MAP2: variants seen among roughly 807,000 people sequenced by gnomAD.
MAP2 encodes microtubule associated protein 2.
In MAP2, 14 loss-of-function variants were observed where a neutral mutation model predicts 137.6. That is an observed-to-expected ratio of 0.10 (90% CI 0.07 to 0.16). MAP2 has a LOEUF of 0.16. Ranked by LOEUF, MAP2 falls within the 10% of genes least tolerant of loss-of-function variation. MAP2 has a pLI of 1.00. For synonymous variants in MAP2, 786 were observed against 782.3 expected, an observed-to-expected ratio of 1.00 and a Z score of -0.08; for missense variants, 2,088 against 2,191.5, an observed-to-expected ratio of 0.95 and a Z score of 0.94.
chr2:209,704,364 TTA>T (rs1196949581), intron 11 of MAP2: 1 of 1,186,292 alleles, frequency 8.4e-7, no homozygotes, highest in African/African-American at 1.6e-5. Context: ...TTTGAGTTTC[TTA>T]TATGTTTATA....
intron 2 of MAP2, among the ~76,000 whole-genome samples, chr2:209,513,377 A>T (rs2062005407): frequency 6.6e-6 from 1 of 152,160 alleles, no homozygotes. Context: ...TTAAGGAGAA[A>T]CTGGGGCCTT....
At chr2:209,701,511 T>C (rs2061751695) in intron 11 of MAP2, among the ~76,000 whole-genome samples, 2 of 152,140 alleles carry the variant, frequency 1.3e-5, no homozygotes, top group African/African-American at 4.8e-5. Flanking sequence ...AATTAGTAGC[T>C]TATAACAACA....
intron 5 of MAP2, among the ~76,000 whole-genome samples, chr2:209,659,732 T>TA (rs200809577): frequency 0.057 from 8,233 of 143,548 alleles, 318 homozygotes; most frequent in East Asian, 0.23. Flanking sequence ...TGAACACTAG[T>TA]AAAAAAAAAA....
chr2:209,622,836 A>G (rs561258767), intron 3 of MAP2, among the ~76,000 whole-genome samples: 18 of 152,250 alleles, frequency 1.2e-4, no homozygotes, highest in African/African-American at 4.3e-4. Context: ...TATTTTTTAT[A>G]ATAAACAAAA....
intron 2 of MAP2, among the ~76,000 whole-genome samples, chr2:209,537,231 C>G (rs569725701): frequency 2.2e-4 from 33 of 152,100 alleles, no homozygotes; most frequent in African/African-American, 7.0e-4. Flanking sequence ...TTTTTTGTAT[C>G]TGTTATGGTG....
At chr2:209,492,627 C>T (rs572925965) in intron 1 of MAP2, among the ~76,000 whole-genome samples, 22 of 152,272 alleles carry the variant, frequency 1.4e-4, no homozygotes, top group Non-Finnish European at 2.8e-4. Context: ...AAATCACAAG[C>T]ATTCCTATAC....
intron 1 of MAP2, among the ~76,000 whole-genome samples, chr2:209,470,698 T>C (rs1202562863): frequency 6.6e-6 from 1 of 152,056 alleles, no homozygotes; most frequent in East Asian, 1.9e-4. Context: ...CCATGTACTT[T>C]CAATTCTGAG....
chr2:209,576,303 G>T (rs2075362495), intron 2 of MAP2, among the ~76,000 whole-genome samples: 1 of 152,130 alleles, frequency 6.6e-6, no homozygotes, highest in African/African-American at 2.4e-5. Flanking sequence ...GAGTGCAGTG[G>T]TGCGATCTCG....
At chr2:209,523,914 C>T (rs190864818) in intron 2 of MAP2, among the ~76,000 whole-genome samples, 3 of 152,146 alleles carry the variant, frequency 2.0e-5, no homozygotes, top group Admixed American at 6.5e-5. Context: ...TGAAAAGTTC[C>T]GTTTAAGTCC....
At chr2:209,508,994 T>A (rs944092790) in intron 2 of MAP2, among the ~76,000 whole-genome samples, 18 of 151,982 alleles carry the variant, frequency 1.2e-4, no homozygotes, top group African/African-American at 3.9e-4. Context: ...TAGAATGAGA[T>A]TTTTGTAAAG....
intron 2 of MAP2, among the ~76,000 whole-genome samples, chr2:209,511,613 C>T (rs533672275): frequency 6.6e-6 from 1 of 152,150 alleles, no homozygotes; most frequent in East Asian, 1.9e-4. Context: ...CCTCTGTCAC[C>T]CAGGCTGGAG....
At chr2:209,510,823 T>C (rs780214202) in intron 2 of MAP2, among the ~76,000 whole-genome samples, 2 of 152,114 alleles carry the variant, frequency 1.3e-5, no homozygotes, top group South Asian at 2.1e-4. Context: ...TTTGATCTTA[T>C]GCTGTTGAAG....
chr2:209,521,604 T>C (rs971310262), intron 2 of MAP2, among the ~76,000 whole-genome samples: 5 of 152,074 alleles, frequency 3.3e-5, no homozygotes, highest in Non-Finnish European at 5.9e-5. Flanking sequence ...TATCTTTCTC[T>C]TCTAACTTTT....
At chr2:209,598,285 A>T (rs796503055) in intron 3 of MAP2, among the ~76,000 whole-genome samples, 33 of 152,140 alleles carry the variant, frequency 2.2e-4, no homozygotes, top group African/African-American at 7.7e-4. Flanking sequence ...TATTACAGGC[A>T]TGAGCCACCG....
At chr2:209,701,303 T>G (rs1240904831) in intron 11 of MAP2, among the ~76,000 whole-genome samples, 1 of 151,932 alleles carries the variant, frequency 6.6e-6, no homozygotes, top group Non-Finnish European at 1.5e-5. Context: ...TTATTTTGGT[T>G]GTATTAATGG....
At chr2:209,481,427 C>T (rs1484140755) in intron 1 of MAP2, among the ~76,000 whole-genome samples, 1 of 152,206 alleles carries the variant, frequency 6.6e-6, no homozygotes, top group Non-Finnish European at 1.5e-5. Context: ...GTGGCTAGGA[C>T]ATTGTTTCAT....
In MAP2 at chr2:209,651,820, G is replaced by A. The variant is rs994095671; in HGVS notation, c.-29-1322G>A. ...TCCTGCTATGAACAGAAAATAGAGA[G>A]AGCGGAGGATAGCAACAAAATTCAG... is the stretch of plus-strand genomic sequence containing the variant. On this transcript the variant is annotated intron_variant, in intron 4 of 15. Transcript: ENST00000682079. Among the ~76,000 whole-genome samples, 23 of 152,174 alleles carry A rather than the reference G, an allele frequency of 1.5e-4. 1 individual carries two copies. Among genetic ancestry groups the A allele is most frequent in the Non-Finnish European group, 2.1e-4 (14 of 68,014 alleles).
chr2:209,463,028 C>T (rs1703227944), intron 1 of MAP2, among the ~76,000 whole-genome samples: 1 of 151,990 alleles, frequency 6.6e-6, no homozygotes, highest in Admixed American at 6.6e-5. Context: ...CACACACATG[C>T]ACGAGTAACT....
intron 3 of MAP2, among the ~76,000 whole-genome samples, chr2:209,599,094 T>A (rs1193762155): frequency 6.6e-6 from 1 of 152,160 alleles, no homozygotes; most frequent in Non-Finnish European, 1.5e-5. Context: ...TTTCTCCACA[T>A]CCTCTCCAGC....
Sources: allele counts gnomAD v4.1 joint callset (sites outside exome capture counted in the v4.1 genomes callset), GRCh38; gene constraint gnomAD v4.1.1; transcripts MANE v1.5; gene names NCBI Gene and HGNC (gene_info 2026-07-23, HGNC 2026-07-21).